Variants in TMEM163 observed in about 807,000 individuals in gnomAD.
TMEM163 encodes transmembrane protein 163.
In TMEM163, 17 loss-of-function variants were observed where a neutral mutation model predicts 29.3. That is an observed-to-expected ratio of 0.58 (90% CI 0.40 to 0.87). The LOEUF is 0.87. Ranked by LOEUF, TMEM163 falls within the 40% of genes least tolerant of loss-of-function variation. The probability of loss-of-function intolerance (pLI) is 0.00; values close to 1 mark genes in which losing one functional copy is unlikely to be tolerated. For missense variants in TMEM163, 303 were observed against 381.5 expected, an observed-to-expected ratio of 0.79 and a Z score of 1.71; for synonymous variants, 157 against 160.6, an observed-to-expected ratio of 0.98 and a Z score of 0.17.
intron 5 of TMEM163, among the ~76,000 whole-genome samples, chr2:134,494,929 C>T (rs990063837): frequency 6.6e-6 from 1 of 152,210 alleles, no homozygotes; most frequent in Non-Finnish European, 1.5e-5. Context: ...GACACGCTGA[C>T]TGCATGGGCA....
At chr2:134,702,686 T>G (rs1389229844) in intron 2 of TMEM163, among the ~76,000 whole-genome samples, 1 of 151,666 alleles carries the variant, frequency 6.6e-6, no homozygotes, top group Non-Finnish European at 1.5e-5. Flanking sequence ...AAAAAAAATT[T>G]TCAAAAAAGA....
chr2:134,524,938 T>G (rs1680261503), intron 4 of TMEM163, among the ~76,000 whole-genome samples: 1 of 150,984 alleles, frequency 6.6e-6, no homozygotes, highest in South Asian at 2.2e-4. Context: ...CTTTGAGGAA[T>G]CACCACATTG....
chr2:134,639,249 G>T (rs1401885984), intron 2 of TMEM163, among the ~76,000 whole-genome samples: 5 of 152,206 alleles, frequency 3.3e-5, no homozygotes, highest in Non-Finnish European at 4.4e-5. Context: ...AGGACAGGAA[G>T]ACTGTTTGGC....
Position 134,661,925 on chromosome 2 carries a change from C to CTTTTTTTTTTTTTTTTTTTTTTT in TMEM163, c.322+51274_322+51275insAAAAAAAAAAAAAAAAAAAAAAA, listed in dbSNP as rs201436466. On this transcript the variant is annotated intron_variant, in intron 2 of 7. Coordinates refer to ENST00000281924, the MANE Select transcript of TMEM163 (RefSeq NM_030923.5). Reference sequence around the variant, plus strand: ...AAGTTTTCATGGATTCATTAATTTTCTTTCTTTTTTTTTTTTTTTTTTTTG... The same window carrying CTTTTTTTTTTTTTTTTTTTTTTT: ...AAGTTTTCATGGATTCATTAATTTTCTTTTTTTTTTTTTTTTTTTTTTTTTTCTTTTTTTTTTTTTTTTTTTTG... 5.1e-5 allele frequency among the ~76,000 whole-genome samples: 4 copies of CTTTTTTTTTTTTTTTTTTTTTTT among 79,068 alleles called. 2 individuals are homozygous for CTTTTTTTTTTTTTTTTTTTTTTT. 51.9% of individuals were successfully genotyped at this position (79,068 alleles called of 152,430 possible). A position where few individuals can be genotyped will look rare whatever the true frequency, so the allele number is the denominator to read the frequency against.
intron 2 of TMEM163, among the ~76,000 whole-genome samples, chr2:134,586,890 A>G (rs2104799067): frequency 6.6e-6 from 1 of 152,324 alleles, no homozygotes; most frequent in East Asian, 1.9e-4. Context: ...TCAATCCACC[A>G]GAAAAACCCC....
chr2:134,606,955 G>A (rs1275845502), intron 2 of TMEM163, among the ~76,000 whole-genome samples: 6 of 145,536 alleles, frequency 4.1e-5, no homozygotes, highest in Non-Finnish European at 7.4e-5. Context: ...GACAGACCCC[G>A]AGAACTGTAC....
chr2:134,545,813 G>A (rs1339332131), intron 4 of TMEM163, among the ~76,000 whole-genome samples: 7 of 152,176 alleles, frequency 4.6e-5, no homozygotes, highest in Non-Finnish European at 7.3e-5. Context: ...TCTCAGATTA[G>A]TACCCCACGC....
intron 2 of TMEM163, among the ~76,000 whole-genome samples, chr2:134,669,124 C>A (rs757539183): frequency 5.3e-5 from 8 of 152,214 alleles, no homozygotes; most frequent in Non-Finnish European, 7.3e-5. Flanking sequence ...CATGGGGACT[C>A]AATGAAAAGT....
chr2:134,653,828 T>C (rs1191360353), intron 2 of TMEM163, among the ~76,000 whole-genome samples: 2 of 122,834 alleles, frequency 1.6e-5, no homozygotes, highest in African/African-American at 7.9e-5. Context: ...CAGGAGCAGG[T>C]TGTTCAGTTT....
At chr2:134,504,538 C>T (rs842129) in intron 4 of TMEM163, among the ~76,000 whole-genome samples, 29,763 of 151,228 alleles carry the variant, frequency 0.2, 3,280 homozygotes, top group South Asian at 0.37. Context: ...AAGGACACAA[C>T]CTGGGAATGG....
chr2:134,610,163 G>A (rs914726757), intron 2 of TMEM163, among the ~76,000 whole-genome samples: 2 of 152,208 alleles, frequency 1.3e-5, no homozygotes, highest in South Asian at 2.1e-4. Context: ...AGAGATGGCC[G>A]TAAACACTGG....
intron 2 of TMEM163, among the ~76,000 whole-genome samples, chr2:134,586,619 G>A (rs142543359): frequency 1.6e-4 from 25 of 152,258 alleles, no homozygotes; most frequent in African/African-American, 6.0e-4. Context: ...TGAGATACTG[G>A]GAGTTAGGAC....
intron 2 of TMEM163, among the ~76,000 whole-genome samples, chr2:134,650,060 A>C (rs1434365328): frequency 6.6e-6 from 1 of 151,804 alleles, no homozygotes; most frequent in Non-Finnish European, 1.5e-5. Flanking sequence ...GGCATGCAAA[A>C]ATGTCCATGA....
intron 2 of TMEM163, among the ~76,000 whole-genome samples, chr2:134,572,492 C>T (rs1352998777): frequency 6.6e-6 from 1 of 152,198 alleles, no homozygotes; most frequent in Non-Finnish European, 1.5e-5. Context: ...TCATTACCAC[C>T]TTAATTAAAA....
At chr2:134,528,761 T>A (rs1680348958) in intron 4 of TMEM163, among the ~76,000 whole-genome samples, 1 of 152,214 alleles carries the variant, frequency 6.6e-6, no homozygotes, top group African/African-American at 2.4e-5. Flanking sequence ...ACACTTCTGA[T>A]TAGAAATTGC....
chr2:134,527,432 A>G (rs1200882542), intron 4 of TMEM163, among the ~76,000 whole-genome samples: 1 of 152,126 alleles, frequency 6.6e-6, no homozygotes, highest in Non-Finnish European at 1.5e-5. Flanking sequence ...AATACAACAA[A>G]TCCTTAACAT....
At chr2:134,589,018 C>T (rs1558955598) in intron 2 of TMEM163, among the ~76,000 whole-genome samples, 1 of 151,978 alleles carries the variant, frequency 6.6e-6, no homozygotes, top group Non-Finnish European at 1.5e-5. Flanking sequence ...TCCAGCAATG[C>T]CAAAGATAAA....
At chr2:134,523,751 G>C (rs189173752) in intron 4 of TMEM163, among the ~76,000 whole-genome samples, 1 of 152,284 alleles carries the variant, frequency 6.6e-6, no homozygotes, top group East Asian at 1.9e-4. Flanking sequence ...GGGAAGTGGG[G>C]AGGGGTCCTG....
intron 2 of TMEM163, among the ~76,000 whole-genome samples, chr2:134,588,846 G>GC (rs1405536840): frequency 6.7e-6 from 1 of 149,804 alleles, no homozygotes; most frequent in African/African-American, 2.5e-5. Flanking sequence ...GCAAAACGTT[G>GC]GGGGGGGAAG....
Sources: gnomAD v4.1 joint callset for allele counts (sites outside exome capture counted in the v4.1 genomes callset) on GRCh38, gnomAD v4.1.1 for gene constraint, MANE v1.5 for transcripts, NCBI Gene and HGNC (gene_info 2026-07-23, HGNC 2026-07-21) for gene names.